The following STAG2 variants were observed in gnomAD, a reference collection of about 807,000 sequenced individuals.
STAG2 encodes STAG2 cohesin complex component.
A neutral mutation model predicts 108.1 loss-of-function variants in STAG2; 14 were observed. The observed-to-expected ratio is 0.13, with a 90% CI of 0.09 to 0.20. The LOEUF (loss-of-function observed/expected upper bound fraction) is 0.20. Ranked by LOEUF, STAG2 falls within the 10% of genes least tolerant of loss-of-function variation. The pLI is 1.00. For synonymous variants in STAG2, 307 were observed against 302.7 expected, an observed-to-expected ratio of 1.01 and a Z score of -0.15; for missense variants, 440 against 940.9, an observed-to-expected ratio of 0.47 and a Z score of 6.96.
chrX:124,081,061 G>A lies in STAG2; in HGVS notation c.2776-319G>A, dbSNP rs182127024. Among the ~76,000 whole-genome samples, 199 of 102,819 alleles carry A rather than the reference G, an allele frequency of 1.9e-3. 3 individuals carry two copies. The highest frequency in any genetic ancestry group is 0.016 in the Admixed American group (146 of 9,109). 89.3% of individuals were successfully genotyped at this position (102,819 alleles called of 115,157 possible). On this transcript the variant is annotated intron_variant, in intron 27 of 34. Transcript: ENST00000371145. The stretch of plus-strand genomic sequence containing the variant: ...ATTCACCACTTAAACGTAAATAACA[G>A]AGCATGGTTGCCTAATAATTTGCTG...
At chrX:123,997,598 A>T (rs1031551028) in intron 1 of STAG2, among the ~76,000 whole-genome samples, 1 of 111,878 alleles carries the variant, frequency 8.9e-6, no homozygotes, top group East Asian at 2.8e-4. Flanking sequence ...CTTTTATTTC[A>T]CTTAGCCCAT....
chrX:124,053,581 T>C (rs750901956), intron 13 of STAG2, among the ~76,000 whole-genome samples: 3 of 111,572 alleles, frequency 2.7e-5, no homozygotes, highest in East Asian at 5.6e-4. Flanking sequence ...TTTTAAGTCA[T>C]GTATTATAAA....
At position 124,086,838 on chromosome X, in the gene STAG2, C is replaced by T. The variant is rs2059119556; in HGVS notation, c.3277+68C>T. 9.4e-6 allele frequency: 8 copies of T among 853,542 alleles called. No homozygotes were observed. The Middle Eastern group carries it at 1.2e-3, about 125-fold the overall frequency. 70.3% of individuals were successfully genotyped at this position (853,542 alleles called of 1,213,427 possible). On this transcript the variant is annotated intron_variant, in intron 30 of 34. Coordinates refer to ENST00000371145, the MANE Select transcript of STAG2 (RefSeq NM_001042750.2). Reference sequence around the variant, plus strand: ...TACCAACTGAATTGTCATTAAGGTTCACCTTATTTTTTATTTGAGATGTGT... The same window carrying T: ...TACCAACTGAATTGTCATTAAGGTTTACCTTATTTTTTATTTGAGATGTGT...
chrX:124,038,263 G>A (rs2057581341), intron 6 of STAG2, among the ~76,000 whole-genome samples: 1 of 111,171 alleles, frequency 9.0e-6, no homozygotes, highest in East Asian at 2.8e-4. Context: ...GTAAGTTGGG[G>A]AGTCATATAT....
At chrX:124,039,217 G>A (rs1045187069) in intron 6 of STAG2, among the ~76,000 whole-genome samples, 21 of 107,765 alleles carry the variant, frequency 1.9e-4, no homozygotes, top group African/African-American at 7.1e-4. Flanking sequence ...GTGTAGTGTC[G>A]TGATCATGGC....
intron 33 of STAG2, among the ~76,000 whole-genome samples, chrX:124,094,477 A>G (rs1181256231): frequency 1.8e-5 from 2 of 112,172 alleles, no homozygotes; most frequent in Admixed American, 9.5e-5. Context: ...AATATGAGTT[A>G]GTATAAAAGT....
intron 2 of STAG2, among the ~76,000 whole-genome samples, chrX:124,022,252 T>C (rs1490902059): frequency 9.1e-6 from 1 of 109,896 alleles, no homozygotes; most frequent in Non-Finnish European, 1.9e-5. Flanking sequence ...GCGCCTGTAA[T>C]CTCAGCTACT....
At chrX:123,967,256 A>ATT (rs1177101640) in intron 1 of STAG2, among the ~76,000 whole-genome samples, 5,490 of 50,208 alleles carry the variant, frequency 0.11, 982 homozygotes, top group Non-Finnish European at 0.15. Flanking sequence ...TCAATGGTGT[A>ATT]TTTTTTTTTT....
rs766456598 is a variant in STAG2 at position 123,997,883 on chromosome X, C to T, written c.-162-23484C>T. On this transcript the variant is annotated intron_variant, in intron 1 of 34. Coordinates refer to ENST00000371145, the MANE Select transcript of STAG2 (RefSeq NM_001042750.2). ...CTCTAACTCCTAATCTCAGGTGATC[C>T]GCCCACCTCGGCCTCCCAAAGTGCT... 6.2e-5 allele frequency among the ~76,000 whole-genome samples: 7 copies of T among 112,140 alleles called. 1 individual carries two copies. The highest frequency in any genetic ancestry group is 9.7e-5 in the African/African-American group (3 of 30,871).
chrX:124,008,215 C>CTTTTTT (rs1198252142), intron 1 of STAG2, among the ~76,000 whole-genome samples: 1 of 97,448 alleles, frequency 1.0e-5, no homozygotes, highest in Non-Finnish European at 2.1e-5. Flanking sequence ...AATTTTCTTT[C>CTTTTTT]TTTTTTTTTT....
chrX:124,009,832 G>GT (rs750781478), intron 1 of STAG2, among the ~76,000 whole-genome samples: 113 of 111,822 alleles, frequency 1.0e-3, no homozygotes, highest in Middle Eastern at 4.7e-3. Context: ...GTGTTTCCAT[G>GT]TTTTTTTGGA....
At position 124,073,378 on chromosome X, in the gene STAG2, G is replaced by C. The variant is rs145284307; in HGVS notation, c.2533+2055G>C. Among the ~76,000 whole-genome samples, 756 of 110,785 alleles carry C rather than the reference G, an allele frequency of 6.8e-3. 10 individuals carry two copies. The highest frequency in any genetic ancestry group is 0.024 in the African/African-American group (716 of 30,443). ...TCTTGATTTATCTAGGAGCTTCCTA[G>C]AATTACCCACACTTCTTATCTCCTT... On this transcript the variant is annotated intron_variant, in intron 25 of 34. Coordinates refer to ENST00000371145, the MANE Select transcript of STAG2 (RefSeq NM_001042750.2).
At chrX:123,998,479 G>T (rs1252282306) in intron 1 of STAG2, among the ~76,000 whole-genome samples, 3 of 102,957 alleles carry the variant, frequency 2.9e-5, no homozygotes, top group Non-Finnish European at 6.0e-5. Flanking sequence ...CCGTGTGTGT[G>T]TATGTGTTTT....
intron 1 of STAG2, among the ~76,000 whole-genome samples, chrX:123,989,806 C>T (rs2055362243): frequency 9.1e-6 from 1 of 110,008 alleles, no homozygotes; most frequent in Non-Finnish European, 1.9e-5. Flanking sequence ...GTTTCGCCAT[C>T]TTGGCCAGGC....
chrX:123,999,179 A>C (rs1056603977), intron 1 of STAG2, among the ~76,000 whole-genome samples: 5 of 111,942 alleles, frequency 4.5e-5, no homozygotes, highest in Non-Finnish European at 9.4e-5. Context: ...GCCATTAAAA[A>C]AGAAACACCC....
chrX:123,980,628 A>C (rs905763314), intron 1 of STAG2, among the ~76,000 whole-genome samples: 6 of 111,697 alleles, frequency 5.4e-5, no homozygotes, highest in African/African-American at 2.0e-4. Context: ...ACTGGGTCCC[A>C]GGTTACAAAT....
intron 1 of STAG2, among the ~76,000 whole-genome samples, chrX:123,984,522 T>G (rs963371561): frequency 8.9e-6 from 1 of 111,772 alleles, no homozygotes; most frequent in Non-Finnish European, 1.9e-5. Context: ...GGGCAAAAAC[T>G]TCTCTCTTCA....
At chrX:123,969,394 G>GTAA (rs1341246464) in intron 1 of STAG2, among the ~76,000 whole-genome samples, 2 of 111,619 alleles carry the variant, frequency 1.8e-5, no homozygotes, top group Admixed American at 9.6e-5. Context: ...TAGATTCGAA[G>GTAA]TAAAAAGTTT....
chrX:124,083,528 T>C lies in STAG2; in HGVS notation c.3032T>C (p.Leu1011Pro). The stretch of plus-strand genomic sequence containing the variant: ...CTGAGTGAATTTTCTTCTAAACTAC[T>C]TCGACAAGACAAAAGAACAGTGTAT... ...DILSEFSSKL[L>P]RQDKRTVYVY... Residue 1011 changes from leucine (L) to proline (P), a missense_variant, in exon 29 of 35, where the codon CTT becomes CCT. By Grantham distance (98) the Leu-to-Pro change is moderately conservative. Coordinates refer to ENST00000371145, the MANE Select transcript of STAG2 (RefSeq NM_001042750.2). The C allele has an allele frequency of 8.4e-7, 1 of 1,192,088 alleles. No homozygotes were observed. Among genetic ancestry groups the C allele is most frequent in the South Asian group, 1.8e-5 (1 of 54,292 alleles).
Sources: allele counts gnomAD v4.1 joint callset (sites outside exome capture counted in the v4.1 genomes callset), GRCh38; gene constraint gnomAD v4.1.1; transcripts MANE v1.5; gene names NCBI Gene and HGNC (gene_info 2026-07-23, HGNC 2026-07-21).